The following RBFOX1 variants were observed in gnomAD, a reference collection of about 807,000 sequenced individuals.
The protein encoded by RBFOX1 is RNA binding fox-1 homolog 1.
Under a neutral mutation model 57.7 loss-of-function variants are expected in RBFOX1, and 8 were observed. The observed-to-expected ratio is 0.14, with a 90% CI of 0.08 to 0.25. RBFOX1 has a LOEUF of 0.25. Among genes scored for constraint, RBFOX1 ranks in the 10% least tolerant of loss-of-function variants. The pLI is 1.00. For synonymous variants in RBFOX1, 326 were observed against 222.4 expected (o/e 1.47, Z -4.15); for missense variants, 611 against 548.5 (o/e 1.11, Z -1.14).
intron 3 of RBFOX1, among the ~76,000 whole-genome samples, chr16:5,699,010 CAG>C (rs1415627034): frequency 1.6e-5 from 2 of 126,752 alleles, no homozygotes; most frequent in Non-Finnish European, 3.1e-5. Flanking sequence ...TTTTTTGAGA[CAG>C]AGTCTTGCTC....
At chr16:6,784,694 A>AT (rs36025472) in intron 3 of RBFOX1, among the ~76,000 whole-genome samples, 3,675 of 145,824 alleles carry the variant, frequency 0.025, 132 homozygotes, top group African/African-American at 0.074. Flanking sequence ...TTAATGTCTG[A>AT]TTTTTTTTTT....
intron 1 of RBFOX1, among the ~76,000 whole-genome samples, chr16:5,427,977 C>T (rs1288300433): frequency 1.3e-5 from 2 of 152,232 alleles, no homozygotes; most frequent in African/African-American, 2.4e-5. Context: ...CGAGAAGCTG[C>T]TGCCATCCAC....
intron 3 of RBFOX1, among the ~76,000 whole-genome samples, chr16:6,687,366 A>C (rs1348370475): frequency 6.6e-6 from 1 of 152,196 alleles, no homozygotes; most frequent in African/African-American, 2.4e-5. Flanking sequence ...CAGGTTTACC[A>C]ATATTTCAGA....
chr16:5,527,689 C>G (rs1235587009), intron 2 of RBFOX1, among the ~76,000 whole-genome samples: 2 of 152,130 alleles, frequency 1.3e-5, no homozygotes, highest in South Asian at 2.1e-4. Context: ...GAGCTGCAGA[C>G]TTAGGAAAGG....
chr16:6,344,084 T>C (rs924176575), intron 2 of RBFOX1, among the ~76,000 whole-genome samples: 3 of 152,206 alleles, frequency 2.0e-5, no homozygotes, highest in Non-Finnish European at 4.4e-5. Context: ...ATATGCATCA[T>C]GGAAACTGTT....
At chr16:7,151,605 A>G (rs1318539698) in intron 4 of RBFOX1, among the ~76,000 whole-genome samples, 1 of 152,128 alleles carries the variant, frequency 6.6e-6, no homozygotes, top group Non-Finnish European at 1.5e-5. Context: ...AAATGGAGGG[A>G]ATGATTTCAG....
chr16:6,028,049 C>A (rs553878574), intron 1 of RBFOX1, among the ~76,000 whole-genome samples: 2 of 152,298 alleles, frequency 1.3e-5, no homozygotes, highest in East Asian at 1.9e-4. Flanking sequence ...GGCTAGATCC[C>A]AGGGGTATTG....
At chr16:5,594,880 C>G (rs1447182084) in intron 2 of RBFOX1, among the ~76,000 whole-genome samples, 1 of 150,718 alleles carries the variant, frequency 6.6e-6, no homozygotes, top group African/African-American at 2.4e-5. Flanking sequence ...GTCTATAATC[C>G]CAGCACTTTG....
intron 4 of RBFOX1, among the ~76,000 whole-genome samples, chr16:7,382,431 T>A (rs749713230): frequency 3.3e-5 from 5 of 152,254 alleles, no homozygotes; most frequent in Non-Finnish European, 5.9e-5. Flanking sequence ...TATGACTAAT[T>A]ATTAAACATG....
intron 1 of RBFOX1, among the ~76,000 whole-genome samples, chr16:5,310,064 A>T (rs561435419): frequency 6.6e-6 from 1 of 152,256 alleles, no homozygotes; most frequent in South Asian, 2.1e-4. Context: ...TTCAGCTCTA[A>T]TGTTACCTCC....
intron 3 of RBFOX1, among the ~76,000 whole-genome samples, chr16:6,898,226 C>G (rs181133661): frequency 4.7e-4 from 72 of 152,246 alleles, no homozygotes; most frequent in African/African-American, 1.6e-3. Flanking sequence ...ATGGCCGCCC[C>G]TTTGGCATCA....
chr16:5,517,000 T>G (rs141534211), intron 2 of RBFOX1, among the ~76,000 whole-genome samples: 64 of 150,218 alleles, frequency 4.3e-4, no homozygotes, highest in Middle Eastern at 3.5e-3. Context: ...TTCTTCCTGT[T>G]TTTTTTTTTT....
chr16:5,264,973 C>G (rs2062823082), intron 1 of RBFOX1, among the ~76,000 whole-genome samples: 1 of 151,936 alleles, frequency 6.6e-6, no homozygotes, highest in South Asian at 2.1e-4. Context: ...AAAACCTAAC[C>G]TATTCTGACT....
At chr16:7,684,651 C>T (rs1327535295) in intron 14 of RBFOX1, among the ~76,000 whole-genome samples, 3 of 151,632 alleles carry the variant, frequency 2.0e-5, no homozygotes, top group Non-Finnish European at 4.4e-5. Flanking sequence ...TTGTTAGATG[C>T]TTCTAACATC....
intron 4 of RBFOX1, among the ~76,000 whole-genome samples, chr16:7,238,159 G>A (rs1235154063): frequency 1.3e-5 from 2 of 152,140 alleles, no homozygotes; most frequent in African/African-American, 2.4e-5. Context: ...ACAAAAAGTG[G>A]CATGGTCGTT....
chr16:7,341,769 TCCC>T (rs2096899225), intron 4 of RBFOX1, among the ~76,000 whole-genome samples: 1 of 73,916 alleles, frequency 1.4e-5, no homozygotes, highest in Non-Finnish European at 2.4e-5. Context: ...CCTCCTTCCC[TCCC>T]TCCCTCCTTC....
At chr16:6,387,527 C>T (rs1375513593) in intron 2 of RBFOX1, among the ~76,000 whole-genome samples, 4 of 150,654 alleles carry the variant, frequency 2.7e-5, no homozygotes, top group Middle Eastern at 3.4e-3. Flanking sequence ...AAGCCATTAG[C>T]GTCAACTTAA....
chr16:6,420,398 G>A (rs921137120), intron 2 of RBFOX1, among the ~76,000 whole-genome samples: 11 of 151,790 alleles, frequency 7.2e-5, no homozygotes, highest in African/African-American at 2.2e-4. Context: ...AACATTTTCT[G>A]TGATGCACTT....
chr16:7,175,884 C>T (rs116644779), intron 4 of RBFOX1, among the ~76,000 whole-genome samples: 1,827 of 152,188 alleles, frequency 0.012, 40 homozygotes, highest in African/African-American at 0.042. Context: ...CTTATATTAG[C>T]CCTCTGAGCA....
Sources: gnomAD v4.1 joint callset for allele counts (sites outside exome capture counted in the v4.1 genomes callset) on GRCh38, gnomAD v4.1.1 for gene constraint, MANE v1.5 for transcripts, NCBI Gene and HGNC (gene_info 2026-07-23, HGNC 2026-07-21) for gene names.